ATRNL1: variants seen among roughly 807,000 people sequenced by gnomAD.
ATRNL1 encodes attractin like 1.
A neutral mutation model predicts 182.7 loss-of-function variants in ATRNL1; 95 were observed. That is an observed-to-expected ratio of 0.52 (90% CI 0.44 to 0.62). The LOEUF (loss-of-function observed/expected upper bound fraction) is 0.62, where lower values mean the gene tolerates loss of function less well. Among genes scored for constraint, ATRNL1 ranks in the 20% least tolerant of loss-of-function variants. The probability of loss-of-function intolerance (pLI) is 0.00; values close to 1 mark genes in which losing one functional copy is unlikely to be tolerated. For missense variants in ATRNL1, 1,471 were observed against 1,679.5 expected (o/e 0.88, Z 2.17); for synonymous variants, 576 against 568.3 (o/e 1.01, Z -0.19).
rs891276369 is a variant in ATRNL1, at chr10:115,356,286, G to A, written c.3175+21867G>A. Among the ~76,000 whole-genome samples the A allele has an allele frequency of 2.0e-5, 3 of 152,016 alleles. No homozygotes were observed. The South Asian group carries it at 6.2e-4, about 31-fold the overall frequency. ...AACTAGGAACATTGAAAAATCTCAA[G>A]CTGCAGATACATGAAAATAGCTTGA... On this transcript the variant is annotated intron_variant, in intron 19 of 28. Transcript: ENST00000355044.
In ATRNL1 at chr10:115,887,264, G is replaced by A. The variant is rs1951968652; in HGVS notation, c.4018+39273G>A. Among the ~76,000 whole-genome samples the A allele has an allele frequency of 2.6e-5, 4 of 152,214 alleles. No homozygotes were observed. The South Asian group carries it at 8.3e-4, about 32-fold the overall frequency. Reference sequence around the variant, plus strand: ...CTCGAAGGTGCCCCAAACACAATATGTTTGTCTTAGTTTTGGGAGCTGCTA... The same window carrying A: ...CTCGAAGGTGCCCCAAACACAATATATTTGTCTTAGTTTTGGGAGCTGCTA... On this transcript the variant is annotated intron_variant, in intron 28 of 28. Transcript: ENST00000355044.
intron 28 of ATRNL1, among the ~76,000 whole-genome samples, chr10:115,850,048 A>T (rs1951018859): frequency 6.6e-6 from 1 of 152,178 alleles, no homozygotes; most frequent in Non-Finnish European, 1.5e-5. Context: ...TTTTCTAAAA[A>T]CAATCTAGTA....
At chr10:115,876,797 A>G (rs1555107336) in intron 28 of ATRNL1, among the ~76,000 whole-genome samples, 1 of 152,220 alleles carries the variant, frequency 6.6e-6, no homozygotes, top group Non-Finnish European at 1.5e-5. Flanking sequence ...ACTAAATTGC[A>G]ACCTTTTGTT....
intron 15 of ATRNL1, among the ~76,000 whole-genome samples, chr10:115,296,919 GGA>G (rs1853222512): frequency 6.6e-6 from 1 of 152,156 alleles, no homozygotes; most frequent in Non-Finnish European, 1.5e-5. Context: ...AGCTTAGTGG[GGA>G]GAGAAACAAA....
At chr10:115,758,778 G>A (rs1161455696) in intron 27 of ATRNL1, among the ~76,000 whole-genome samples, 1 of 152,190 alleles carries the variant, frequency 6.6e-6, no homozygotes, top group Non-Finnish European at 1.5e-5. Context: ...AGTGGGCTCC[G>A]CCCAGTTCGA....
intron 13 of ATRNL1, 78 bp downstream of exon 13, chr10:115,268,522 A>G: frequency 9.7e-6 from 10 of 1,030,602 alleles, no homozygotes; most frequent in Non-Finnish European, 1.5e-5. Context: ...ATTTAGTAGC[A>G]CTGTAGAAAA....
chr10:115,176,011 G>T (rs1439259313), intron 8 of ATRNL1, among the ~76,000 whole-genome samples: 1 of 152,120 alleles, frequency 6.6e-6, no homozygotes, highest in African/African-American at 2.4e-5. Context: ...TCTAACTGGT[G>T]TGAGATGGTA....
At chr10:115,548,747 A>C (rs1182155998) in intron 25 of ATRNL1, among the ~76,000 whole-genome samples, 2 of 152,138 alleles carry the variant, frequency 1.3e-5, no homozygotes, top group African/African-American at 4.8e-5. Context: ...TTATTTCTTA[A>C]AGTAAACATT....
chr10:115,841,567 C>A (rs1293454626), intron 27 of ATRNL1, among the ~76,000 whole-genome samples: 1 of 152,058 alleles, frequency 6.6e-6, no homozygotes, highest in African/African-American at 2.4e-5. Context: ...ATTCCTTTAC[C>A]TATTCCCACG....
intron 28 of ATRNL1, among the ~76,000 whole-genome samples, chr10:115,863,402 T>A (rs1320189098): frequency 6.6e-6 from 1 of 152,238 alleles, no homozygotes; most frequent in East Asian, 1.9e-4. Context: ...TATAGTTGTA[T>A]ATTTGTTTCT....
intron 26 of ATRNL1, among the ~76,000 whole-genome samples, chr10:115,665,476 T>A (rs1860946567): frequency 6.6e-6 from 1 of 151,990 alleles, no homozygotes; most frequent in African/African-American, 2.4e-5. Context: ...CACCAATATT[T>A]GGAGAAAATA....
intron 24 of ATRNL1, among the ~76,000 whole-genome samples, chr10:115,497,232 T>C (rs782479569): frequency 6.6e-6 from 1 of 152,186 alleles, no homozygotes; most frequent in Admixed American, 6.6e-5. Context: ...TTCTTTCTTA[T>C]AACGGCCATT....
At chr10:115,098,449 G>GTTT (rs2085070759) in intron 1 of ATRNL1, among the ~76,000 whole-genome samples, 3 of 110,776 alleles carry the variant, frequency 2.7e-5, no homozygotes, top group African/African-American at 8.1e-5. Context: ...TTAAATACTA[G>GTTT]TTTCTTTTTT....
At chr10:115,347,475 C>A (rs142956433) in intron 19 of ATRNL1, among the ~76,000 whole-genome samples, 2 of 151,940 alleles carry the variant, frequency 1.3e-5, no homozygotes, top group Non-Finnish European at 2.9e-5. Flanking sequence ...GGAAAGTAAA[C>A]ATTTATTACT....
At chr10:115,800,325 A>G (rs1949762947) in intron 27 of ATRNL1, among the ~76,000 whole-genome samples, 1 of 152,122 alleles carries the variant, frequency 6.6e-6, no homozygotes, top group South Asian at 2.1e-4. Flanking sequence ...CCTAAGAATT[A>G]CATTCAAGCC....
chr10:115,270,864 A>C (rs573729606), intron 13 of ATRNL1, among the ~76,000 whole-genome samples: 20 of 152,224 alleles, frequency 1.3e-4, no homozygotes, highest in South Asian at 4.1e-4. Flanking sequence ...AACCATTACA[A>C]GTCTACCCCT....
At chr10:115,387,327 G>C (rs1462467309) in intron 19 of ATRNL1, among the ~76,000 whole-genome samples, 2 of 152,154 alleles carry the variant, frequency 1.3e-5, no homozygotes, top group Middle Eastern at 3.4e-3. Flanking sequence ...CAAACTTCTC[G>C]GCCTTTCAAG....
At chr10:115,176,564 G>A (rs1847517281) in intron 8 of ATRNL1, among the ~76,000 whole-genome samples, 1 of 152,100 alleles carries the variant, frequency 6.6e-6, no homozygotes, top group Non-Finnish European at 1.5e-5. Context: ...GGGTTTAGAT[G>A]TAGAGTGTGA....
At chr10:115,693,850 G>A (rs782510905) in intron 26 of ATRNL1, among the ~76,000 whole-genome samples, 16 of 152,038 alleles carry the variant, frequency 1.1e-4, no homozygotes, top group South Asian at 2.1e-4. Context: ...TCTCATGGGC[G>A]CCCTGCAATA....
Sources: gnomAD v4.1 joint callset for allele counts (sites outside exome capture counted in the v4.1 genomes callset) on GRCh38, gnomAD v4.1.1 for gene constraint, MANE v1.5 for transcripts, NCBI Gene and HGNC (gene_info 2026-07-23, HGNC 2026-07-21) for gene names.